Variants in IFT74 observed in about 807,000 individuals in gnomAD.
IFT74 encodes the protein intraflagellar transport protein 74 homolog.
A neutral mutation model predicts 96.7 loss-of-function variants in IFT74; 92 were observed. That is an observed-to-expected ratio of 0.95 (90% CI 0.80 to 1.13). IFT74 has a LOEUF of 1.13. Ranked by LOEUF, IFT74 falls within the 50% of genes most tolerant of loss-of-function variation. The probability of loss-of-function intolerance (pLI) is 0.00; values close to 1 mark genes in which losing one functional copy is unlikely to be tolerated. For synonymous variants in IFT74, 223 were observed against 213.2 expected (o/e 1.05, Z -0.40); for missense variants, 811 against 698.2 (o/e 1.16, Z -1.82).
intron 12 of IFT74, among the ~76,000 whole-genome samples, chr9:27,021,842 T>C (rs1171724332): frequency 6.6e-6 from 1 of 152,206 alleles, no homozygotes; most frequent in African/African-American, 2.4e-5. Flanking sequence ...TTAAGTCCCA[T>C]CTATTTATCT....
At chr9:27,057,247 C>T (rs73438243) in intron 18 of IFT74, among the ~76,000 whole-genome samples, 1 of 152,150 alleles carries the variant, frequency 6.6e-6, no homozygotes, top group East Asian at 1.9e-4. Flanking sequence ...ACATAGGATG[C>T]GTAGATATAT....
At chr9:27,030,242 T>C (rs1229273861) in intron 13 of IFT74, among the ~76,000 whole-genome samples, 1 of 152,138 alleles carries the variant, frequency 6.6e-6, no homozygotes, top group Non-Finnish European at 1.5e-5. Flanking sequence ...CACATGTACA[T>C]GTATTCTTGT....
chr9:26,948,431 T>A (rs1486009815), intron 1 of IFT74, among the ~76,000 whole-genome samples: 1 of 146,774 alleles, frequency 6.8e-6, no homozygotes, highest in East Asian at 2.0e-4. Context: ...TTTGACAACC[T>A]GTGATGGCTT....
chr9:26,950,171 G>T (rs113031435), intron 1 of IFT74, among the ~76,000 whole-genome samples: 8,348 of 152,158 alleles, frequency 0.055, 271 homozygotes, highest in South Asian at 0.13. Flanking sequence ...AGTTAGCCGG[G>T]TGTGGTGGCA....
intron 1 of IFT74, among the ~76,000 whole-genome samples, chr9:26,958,960 G>T (rs1448247933): frequency 6.6e-6 from 1 of 152,196 alleles, no homozygotes. Context: ...TATAAATGTG[G>T]ACACCAGTAA....
chr9:27,055,618 G>A lies in IFT74; in HGVS notation c.1343G>A (p.Arg448His), dbSNP rs200923828. The change falls in exon 17 of 20, where the codon CGT (arginine) becomes CAT (histidine). Residue 448 changes from arginine (R) to histidine (H), a missense_variant. Coordinates refer to ENST00000380062, the MANE Select transcript of IFT74 (RefSeq NM_025103.4). Reference protein sequence around the residue: ...TAQNLTSDIQRLQLDLQKMEL... With the variant: ...TAQNLTSDIQHLQLDLQKMEL... ...AATTCTTATGTTTCAGACATTCAAC[G>A]TCTGCAGTTGGATCTGCAGAAAATG... is the stretch of plus-strand genomic sequence containing the variant. 106 of 1,572,486 alleles carry A rather than the reference G, an allele frequency of 6.7e-5. No homozygotes were observed. The highest frequency in any genetic ancestry group is 5.1e-4 in the Middle Eastern group (3 of 5,898).
intron 2 of IFT74, among the ~76,000 whole-genome samples, chr9:26,967,222 A>G (rs1028684019): frequency 3.3e-5 from 5 of 152,014 alleles, no homozygotes; most frequent in Non-Finnish European, 5.9e-5. Context: ...GATTCTTCCA[A>G]TCCATGAACA....
intron 16 of IFT74, among the ~76,000 whole-genome samples, chr9:27,050,259 A>G (rs537735569): frequency 6.6e-6 from 1 of 152,134 alleles, no homozygotes; most frequent in South Asian, 2.1e-4. Flanking sequence ...GGGTTTCACC[A>G]TGTTTTCCAG....
rs776075030 is a variant in IFT74, at chr9:27,047,166, G to T, written c.1109-108G>T. The T allele has an allele frequency of 7.8e-5, 48 of 616,910 alleles. 2 individuals are homozygous for T. In the Middle Eastern group the frequency reaches 0.013, roughly 164 times the overall value. The allele number at this position is 616,910 out of a possible 1,614,324, so 38.2% of individuals were successfully genotyped here. Reference sequence around the variant, plus strand: ...CAGCCTGGCAACAGAGTGAGACTCTGTCTCAAAAAAAGAAAATTCTAAAAA... The same window carrying T: ...CAGCCTGGCAACAGAGTGAGACTCTTTCTCAAAAAAAGAAAATTCTAAAAA... On this transcript the variant is annotated intron_variant, in intron 14 of 19. Transcript: ENST00000380062.
chr9:27,020,197 C>T (rs749341371), intron 12 of IFT74, among the ~76,000 whole-genome samples: 1 of 151,906 alleles, frequency 6.6e-6, no homozygotes, highest in East Asian at 1.9e-4. Context: ...TCAACAATGA[C>T]GAAATTGCCT....
intron 12 of IFT74, chr9:27,028,787 C>A (rs529637726): frequency 4.9e-4 from 133 of 269,432 alleles, no homozygotes; most frequent in African/African-American, 2.6e-3. Flanking sequence ...AGACAAGATT[C>A]TTCCTCTCTA....
intron 13 of IFT74, among the ~76,000 whole-genome samples, chr9:27,038,267 T>G (rs1372089221): frequency 6.6e-6 from 1 of 152,014 alleles, no homozygotes; most frequent in African/African-American, 2.4e-5. Flanking sequence ...TTTGTTTTTG[T>G]TTTTGTTTTT....
chr9:26,951,388 A>ATT (rs985476927), intron 1 of IFT74, among the ~76,000 whole-genome samples: 8 of 149,698 alleles, frequency 5.3e-5, no homozygotes, highest in African/African-American at 2.0e-4. Context: ...ATTGTTTAGC[A>ATT]TTTTTTTTTT....
chr9:27,009,889 G>A (rs1306548069), intron 9 of IFT74, among the ~76,000 whole-genome samples: 7 of 151,622 alleles, frequency 4.6e-5, no homozygotes, highest in Admixed American at 3.9e-4. Context: ...TTCCATGCAC[G>A]TATGCAATGT....
chr9:27,048,463 A>T (rs1819790010), intron 16 of IFT74, among the ~76,000 whole-genome samples, 189 bp downstream of exon 16: 1 of 152,154 alleles, frequency 6.6e-6, no homozygotes, highest in African/African-American at 2.4e-5. Context: ...AACAACATTT[A>T]TTGAATACTT....
intron 14 of IFT74, 124 bp from the exon 15 acceptor site, chr9:27,047,150 A>T: frequency 3.7e-6 from 2 of 546,238 alleles, no homozygotes; most frequent in Non-Finnish European, 6.4e-6. Flanking sequence ...CCAGCCTGGC[A>T]ACAGAGTGAG....
chr9:26,999,649 T>G, intron 8 of IFT74: 2 of 1,610,036 alleles, frequency 1.2e-6, no homozygotes, highest in Admixed American at 1.7e-5. Flanking sequence ...GATAATAATA[T>G]CATGGAGAGG....
rs1563926469 is a variant in IFT74 at position 26,948,452 on chromosome 9, T to TATTATTATTA, written c.-20+1306_-20+1307insATTATTATTA. On this transcript the variant is annotated intron_variant, in intron 1 of 19. Transcript: ENST00000433700. ...AACCTGTGATGGCTTTCCATTATTT[T>TATTATTATTA]TTTTTTTTTTTTTTTTTTTTTTTTT... is the stretch of plus-strand genomic sequence containing the variant. Among the ~76,000 whole-genome samples the TATTATTATTA allele has an allele frequency of 3.8e-3, 128 of 33,820 alleles. 2 individuals are homozygous for TATTATTATTA. The highest frequency in any genetic ancestry group is 0.023 in the South Asian group (9 of 384). The allele number at this position is 33,820 out of a possible 152,430, so 22.2% of individuals were successfully genotyped here.
At chr9:27,059,888 T>G (rs1287548434) in intron 18 of IFT74, among the ~76,000 whole-genome samples, 1 of 152,250 alleles carries the variant, frequency 6.6e-6, no homozygotes, top group Non-Finnish European at 1.5e-5. Context: ...CATTTCAATT[T>G]TCAAATGGTC....
Sources: gnomAD v4.1 joint callset for allele counts (sites outside exome capture counted in the v4.1 genomes callset) on GRCh38, gnomAD v4.1.1 for gene constraint, MANE v1.5 for transcripts, NCBI Gene and HGNC (gene_info 2026-07-23, HGNC 2026-07-21) for gene names.